CDH12: variants seen among roughly 807,000 people sequenced by gnomAD.
CDH12 encodes the protein cadherin-12.
CDH12 carries 41 observed loss-of-function variants against 74.1 expected under a neutral mutation model. That is an observed-to-expected ratio of 0.55 (90% CI 0.43 to 0.72). The LOEUF (loss-of-function observed/expected upper bound fraction) is 0.72, where lower values mean the gene tolerates loss of function less well. Among genes scored for constraint, CDH12 ranks in the 30% least tolerant of loss-of-function variants. The pLI is 0.00. For synonymous variants in CDH12, 399 were observed against 355.0 expected (o/e 1.12, Z -1.39); for missense variants, 945 against 977.2 (o/e 0.97, Z 0.44).
chr5:22,391,745 T>C (rs1299642062), intron 3 of CDH12, among the ~76,000 whole-genome samples: 1 of 152,150 alleles, frequency 6.6e-6, no homozygotes, highest in Non-Finnish European at 1.5e-5. Context: ...TAAAGATTCA[T>C]TTATCTTATC....
chr5:21,886,476 G>A (rs1482183459), intron 6 of CDH12, among the ~76,000 whole-genome samples: 3 of 142,706 alleles, frequency 2.1e-5, no homozygotes, highest in African/African-American at 7.7e-5. Flanking sequence ...ATATATATGA[G>A]GAAAAATAGT....
intron 1 of CDH12, among the ~76,000 whole-genome samples, chr5:22,753,404 T>C (rs1344059061): frequency 6.7e-6 from 1 of 149,924 alleles, no homozygotes; most frequent in Non-Finnish European, 1.5e-5. Flanking sequence ...GCCATTGCAC[T>C]TTAGCCTGGG....
chr5:22,387,850 C>A (rs1742065982), intron 3 of CDH12, among the ~76,000 whole-genome samples: 1 of 152,084 alleles, frequency 6.6e-6, no homozygotes, highest in African/African-American at 2.4e-5. Context: ...GAGCTTTTTT[C>A]TTTTTATGTT....
intron 14 of CDH12, among the ~76,000 whole-genome samples, chr5:21,753,534 C>T (rs1267412628): frequency 6.6e-6 from 1 of 152,074 alleles, no homozygotes; most frequent in Non-Finnish European, 1.5e-5. Context: ...TAAAAGGGAC[C>T]CAAGCACCAT....
chr5:22,773,612 C>T (rs1314453410), intron 1 of CDH12, among the ~76,000 whole-genome samples: 4 of 152,032 alleles, frequency 2.6e-5, no homozygotes, highest in Admixed American at 6.6e-5. Context: ...GACTATTCCT[C>T]AAAAGCAATT....
intron 5 of CDH12, among the ~76,000 whole-genome samples, chr5:22,048,001 T>C (rs889210813): frequency 1.2e-4 from 19 of 152,180 alleles, no homozygotes; most frequent in African/African-American, 4.6e-4. Context: ...TTTCTCCGTA[T>C]GAATGTGTTC....
chr5:22,456,244 ATGTGTGTG>A (rs58290508), intron 2 of CDH12, among the ~76,000 whole-genome samples: 36 of 147,384 alleles, frequency 2.4e-4, no homozygotes, highest in Admixed American at 6.1e-4. Context: ...GTCTATATAT[ATGTGTGTG>A]TGTGTGTGTG....
At chr5:21,833,563 ATATAT>A (rs1195534753) in intron 8 of CDH12, among the ~76,000 whole-genome samples, 2 of 143,946 alleles carry the variant, frequency 1.4e-5, no homozygotes, top group African/African-American at 5.1e-5. Context: ...AATCTATGGC[ATATAT>A]TATATGTAAT....
intron 6 of CDH12, among the ~76,000 whole-genome samples, chr5:21,901,503 A>G (rs895036247): frequency 3.3e-5 from 5 of 152,150 alleles, no homozygotes; most frequent in Non-Finnish European, 7.3e-5. Context: ...TTCTTTCCCA[A>G]CTGACTTTAG....
At chr5:22,698,737 T>A (rs545480345) in intron 1 of CDH12, among the ~76,000 whole-genome samples, 6,866 of 22,514 alleles carry the variant, frequency 0.3, 1,300 homozygotes, top group Admixed American at 0.4. Context: ...ATATATATAG[T>A]GTGTGTGTGT....
chr5:22,010,595 A>C (rs1737239972), intron 5 of CDH12, among the ~76,000 whole-genome samples: 1 of 152,168 alleles, frequency 6.6e-6, no homozygotes, highest in Non-Finnish European at 1.5e-5. Context: ...TAAAATATGC[A>C]ATCTGTGAAC....
chr5:21,767,304 A>G (rs1561166965), intron 11 of CDH12, among the ~76,000 whole-genome samples: 2 of 151,626 alleles, frequency 1.3e-5, no homozygotes. Context: ...TTTCCTAGAG[A>G]TTTATTTTAT....
intron 1 of CDH12, among the ~76,000 whole-genome samples, chr5:22,754,603 G>A (rs1208330177): frequency 6.6e-6 from 1 of 151,184 alleles, no homozygotes; most frequent in Admixed American, 6.6e-5. Context: ...AGCTGTAGAA[G>A]CCTGAGAAGA....
intron 6 of CDH12, among the ~76,000 whole-genome samples, chr5:21,867,275 A>G (rs907658646): frequency 3.9e-5 from 6 of 152,208 alleles, no homozygotes. Context: ...GAATGGCTTG[A>G]ACCCAGGAGG....
rs113157682 is a variant in CDH12, at chr5:22,454,848, C to T, written c.-427-49497G>A. Among the ~76,000 whole-genome samples the T allele has an allele frequency of 8.9e-3, 1,350 of 152,256 alleles. 21 individuals carry two copies. Among genetic ancestry groups the T allele is most frequent in the African/African-American group, 0.031 (1,282 of 41,538 alleles). ...CTGGGACCTAATGTAACCTTAATCA[C>T]CTTTCAAAAACTCCACCTCCAAATA... On this transcript the variant is annotated intron_variant, in intron 2 of 14. Coordinates refer to ENST00000382254, the MANE Select transcript of CDH12 (RefSeq NM_004061.5).
intron 1 of CDH12, among the ~76,000 whole-genome samples, chr5:22,702,535 C>G (rs1742770504): frequency 6.6e-6 from 1 of 152,012 alleles, no homozygotes; most frequent in African/African-American, 2.4e-5. Context: ...CTTCCTCTCT[C>G]TTCCCCTTCT....
chr5:22,572,305 G>A (rs960776998), intron 1 of CDH12, among the ~76,000 whole-genome samples: 2 of 152,044 alleles, frequency 1.3e-5, no homozygotes, highest in African/African-American at 4.8e-5. Context: ...AGTATTTTTA[G>A]TATTGACTAC....
At chr5:22,341,206 G>A (rs976554496) in intron 3 of CDH12, among the ~76,000 whole-genome samples, 7 of 152,146 alleles carry the variant, frequency 4.6e-5, no homozygotes, top group Admixed American at 6.5e-5. Flanking sequence ...TTAACATAAA[G>A]AATGGTCAGG....
At chr5:22,061,278 CA>C (rs1206194980) in intron 5 of CDH12, among the ~76,000 whole-genome samples, 1 of 152,048 alleles carries the variant, frequency 6.6e-6, no homozygotes, top group Non-Finnish European at 1.5e-5. Flanking sequence ...GATTAAATGT[CA>C]GGGGCAATAA....
Sources: gnomAD v4.1 joint callset for allele counts (sites outside exome capture counted in the v4.1 genomes callset) on GRCh38, gnomAD v4.1.1 for gene constraint, MANE v1.5 for transcripts, NCBI Gene and HGNC (gene_info 2026-07-23, HGNC 2026-07-21) for gene names.